UAP1: variants seen among roughly 807,000 people sequenced by gnomAD.
UAP1 encodes the protein UDP-N-acetylhexosamine pyrophosphorylase.
UAP1 carries 25 observed loss-of-function variants against 58.5 expected under a neutral mutation model. The observed-to-expected ratio is 0.43, with a 90% CI of 0.31 to 0.60. The LOEUF is 0.60. UAP1 is among the 20% of genes least tolerant of loss of function. The pLI is 0.11. For missense variants in UAP1, 575 were observed against 630.0 expected (o/e 0.91, Z 0.93); for synonymous variants, 208 against 213.0 (o/e 0.98, Z 0.21).
Position 162,587,460 on chromosome 1 carries a change from T to G in UAP1, c.835-15T>G. 1 of 1,584,644 alleles carries G rather than the reference T, an allele frequency of 6.3e-7. No individual in the cohort carries two copies. The highest frequency in any genetic ancestry group is 1.8e-5 in the Admixed American group (1 of 55,624). On this transcript the variant is annotated splice_polypyrimidine_tract_variant and intron_variant, in intron 5 of 10. Coordinates refer to ENST00000271469, the Ensembl canonical transcript of UAP1. ...AATTCAATTTCCTCCTCTACTGTTT[T>G]TCTCTGGTGGACAGGTGGTAGAGAA...
chr1:162,584,135 T>C (rs936136581), intron 5 of UAP1, among the ~76,000 whole-genome samples: 1 of 152,244 alleles, frequency 6.6e-6, no homozygotes, highest in Non-Finnish European at 1.5e-5. Context: ...ACACTAATCA[T>C]GCAAAGATGC....
exon 11 of UAP1, chr1:162,599,505 T>C (rs1655813162): frequency 2.0e-6 from 1 of 501,880 alleles, no homozygotes; most frequent in South Asian, 3.4e-5. Context: ...TTAGAGCTAT[T>C]GCAAACTTCC....
At chr1:162,580,765 AATAG>A (rs1571073048) in intron 4 of UAP1, among the ~76,000 whole-genome samples, 1 of 152,334 alleles carries the variant, frequency 6.6e-6, no homozygotes. Context: ...CAGCATTATA[AATAG>A]ATGGAGAAAG....
Position 162,581,216 on chromosome 1 carries a change from T to TA in UAP1, c.662-71_662-70insA. On this transcript the variant is annotated intron_variant, in intron 4 of 10. Transcript: ENST00000271469. ...GTTTTTTAGGGATCTTAACCCTAGT[T>TA]TGGAAACAATCTTTGTGTTACCTTT... 5 of 1,490,426 alleles carry TA rather than the reference T, an allele frequency of 3.4e-6. No individual in the cohort carries two copies. In the South Asian group the frequency reaches 7.0e-5, roughly 21 times the overall value. The allele number at this position is 1,490,426 out of a possible 1,614,324, so 92.3% of individuals were successfully genotyped here. A position where few individuals can be genotyped will look rare whatever the true frequency, so the allele number is the denominator to read the frequency against.
In UAP1 at chr1:162,592,757, AC is replaced by A. The variant is rs906437974; in HGVS notation, c.1386del (p.Ile463SerfsTer9). 5 of 1,550,492 alleles carry A rather than the reference AC, an allele frequency of 3.2e-6. No individual in the cohort carries two copies. Among genetic ancestry groups the A allele is most frequent in the Non-Finnish European group, 4.4e-6 (5 of 1,146,738 alleles). On this transcript the variant is annotated frameshift_variant, in exon 9 of 11. Transcript: ENST00000271469. LOFTEE classifies it high-confidence loss of function. ...CAGTGCTACAAATGGGAAGTCAGAG[AC>A]CATCACAGCTGATGTCAATCACAAG...
At chr1:162,593,287 TAGTC>T (rs916481181) in intron 9 of UAP1, 4 of 153,502 alleles carry the variant, frequency 2.6e-5, no homozygotes, top group African/African-American at 9.6e-5. Context: ...GCATTAATTT[TAGTC>T]AGTTACTTTC....
At chr1:162,582,182 T>C (rs1233555160) in intron 5 of UAP1, among the ~76,000 whole-genome samples, 1 of 152,164 alleles carries the variant, frequency 6.6e-6, no homozygotes, top group Non-Finnish European at 1.5e-5. Context: ...GAAGTCTGTA[T>C]AGGTATCCAT....
intron 9 of UAP1, among the ~76,000 whole-genome samples, chr1:162,596,885 T>C (rs1655651582): frequency 6.6e-6 from 1 of 152,224 alleles, no homozygotes; most frequent in Non-Finnish European, 1.5e-5. Context: ...GTCTAATGAC[T>C]GCAAACTCAT....
At chr1:162,578,156 A>G (rs182961090) in intron 3 of UAP1, among the ~76,000 whole-genome samples, 1 of 152,004 alleles carries the variant, frequency 6.6e-6, no homozygotes, top group Admixed American at 6.6e-5. Flanking sequence ...TGAGGGGAAA[A>G]TCAGCTGTGT....
chr1:162,579,539 C>T, exon 4 of UAP1: 5 of 1,610,046 alleles, frequency 3.1e-6, no homozygotes, highest in Non-Finnish European at 4.2e-6. Flanking sequence ...AAGGAATGCT[C>T]CCCGCCATGA....
chr1:162,570,126 T>TC, intron 2 of UAP1, among the ~76,000 whole-genome samples: 1 of 151,082 alleles, frequency 6.6e-6, no homozygotes, highest in Non-Finnish European at 1.5e-5. Context: ...TCCAGCCTGG[T>TC]TGACAGAGCG....
intron 6 of UAP1, 53 bp downstream of exon 6, chr1:162,587,721 T>C: frequency 6.4e-7 from 1 of 1,554,184 alleles, no homozygotes; most frequent in African/African-American, 1.4e-5. Context: ...AATCAGAAAC[T>C]AAGACACTTG....
At chr1:162,587,376 A>T in intron 5 of UAP1, 99 bp from the exon 6 acceptor site, 2 of 1,110,024 alleles carry the variant, frequency 1.8e-6, no homozygotes, top group Non-Finnish European at 2.6e-6. Context: ...TATACCTTTT[A>T]GTGTAAGCAA....
chr1:162,597,570 T>G (rs1378432628), intron 9 of UAP1: 1 of 504,702 alleles, frequency 2.0e-6, no homozygotes. Flanking sequence ...GAGCTACCAG[T>G]AATTATTGGC....
At chr1:162,584,445 C>G (rs1654788586) in intron 5 of UAP1, among the ~76,000 whole-genome samples, 1 of 152,166 alleles carries the variant, frequency 6.6e-6, no homozygotes, top group African/African-American at 2.4e-5. Context: ...ATGATTCATA[C>G]TGTGGTAGTA....
At chr1:162,580,195 A>G (rs1016681417) in intron 4 of UAP1, among the ~76,000 whole-genome samples, 3 of 152,202 alleles carry the variant, frequency 2.0e-5, no homozygotes, top group Non-Finnish European at 4.4e-5. Flanking sequence ...GTATACTGCA[A>G]TGTTCATGGC....
chr1:162,579,599 T>C, exon 4 of UAP1: 1 of 1,578,054 alleles, frequency 6.3e-7, no homozygotes, highest in Non-Finnish European at 8.6e-7. Flanking sequence ...TTTCTATGGC[T>C]CCAGGTTTGT....
At chr1:162,598,729 A>G (rs1295178092) in intron 10 of UAP1, among the ~76,000 whole-genome samples, 2 of 152,144 alleles carry the variant, frequency 1.3e-5, no homozygotes, top group Non-Finnish European at 2.9e-5. Context: ...AGTTAACTCT[A>G]CTGGCCGCTT....
chr1:162,599,644 A>G, exon 11 of UAP1: 1 of 257,948 alleles, frequency 3.9e-6, no homozygotes, highest in African/African-American at 2.2e-5. Context: ...CAGCTGAAAT[A>G]TAGGCAGGAT....
Sources: gnomAD v4.1 joint callset for allele counts (sites outside exome capture counted in the v4.1 genomes callset) on GRCh38, gnomAD v4.1.1 for gene constraint, MANE v1.5 for transcripts, NCBI Gene and HGNC (gene_info 2026-07-23, HGNC 2026-07-21) for gene names.